Variants in NOS3 observed in about 807,000 individuals in gnomAD.
NOS3 encodes NOS type III.
A neutral mutation model predicts 144.9 loss-of-function variants in NOS3; 98 were observed. The observed-to-expected ratio is 0.68, with a 90% CI of 0.57 to 0.80. The LOEUF (loss-of-function observed/expected upper bound fraction) is 0.80. NOS3 is among the 30% of genes least tolerant of loss of function. The probability of loss-of-function intolerance (pLI) is 0.00; values close to 1 mark genes in which losing one functional copy is unlikely to be tolerated. For synonymous variants in NOS3, 714 were observed against 702.4 expected (o/e 1.02, Z -0.26); for missense variants, 1,465 against 1,656.4 (o/e 0.88, Z 2.01).
chr7:150,997,456 G>T (rs1802457018), intron 5 of NOS3, among the ~76,000 whole-genome samples: 1 of 152,068 alleles, frequency 6.6e-6, no homozygotes. Context: ...TGCTACCCCA[G>T]TTCCCCTGCT....
intron 12 of NOS3, 39 bp downstream of exon 12, chr7:151,001,656 T>C (rs1192719238): frequency 1.2e-6 from 2 of 1,601,634 alleles, no homozygotes; most frequent in Non-Finnish European, 1.7e-6. Context: ...ACACACACCC[T>C]GGGGGCCCCA....
intron 1 of NOS3, among the ~76,000 whole-genome samples, chr7:150,991,508 G>A (rs1471190954): frequency 6.6e-6 from 1 of 152,222 alleles, no homozygotes; most frequent in African/African-American, 2.4e-5. Context: ...TTCAAGCAGT[G>A]CACCAAGGAA....
rs764810572 is a variant in NOS3, at chr7:150,998,633, C to A, written c.769C>A (p.Gln257Lys). The A allele has an allele frequency of 8.7e-6, 14 of 1,609,322 alleles. 1 individual carries two copies. In the South Asian group the frequency reaches 1.5e-4, roughly 18 times the overall value. Reference sequence around the variant, plus strand: ...GGTGCGCTACGCGGGCTACCGGCAGCAGGATGGCTCTGTGCGGGGGGACCC... The same window carrying A: ...GGTGCGCTACGCGGGCTACCGGCAGAAGGATGGCTCTGTGCGGGGGGACCC... ...QLVRYAGYRQ[Q>K]DGSVRGDPAN... The change falls in exon 7 of 27, where the codon CAG (glutamine) becomes AAG (lysine). Residue 257 changes from glutamine (Q) to lysine (K), a missense_variant. Around this residue, in one of 5 missense-constraint regions of NOS3, gnomAD observed 374 missense variants for 377.0 expected, o/e 0.99. Coordinates refer to ENST00000297494, the MANE Select transcript of NOS3 (RefSeq NM_000603.5). This position sits in a 1 kb window ranked among gnomAD's most constrained non-coding sequence, Gnocchi z 5.0.
At chr7:150,994,277 C>T (rs1041049591) in intron 2 of NOS3, among the ~76,000 whole-genome samples, 13 of 152,142 alleles carry the variant, frequency 8.5e-5, no homozygotes, top group Admixed American at 2.6e-4. Context: ...TTATATAAAA[C>T]GAGATATGGC....
Position 151,002,105 on chromosome 7 carries a change from G to A in NOS3, c.1648-95G>A, listed in dbSNP as rs1489161568. On this transcript the variant is annotated intron_variant, in intron 13 of 26. Transcript: ENST00000297494. The surrounding 1 kb of genome is among the most constrained non-coding windows in gnomAD (Gnocchi z 4.1). ...ACCACAGGTGTTCAGAGATCAAGTT[G>A]GGGCCTGAATCTTGCACTGCCAGGG... The A allele has an allele frequency of 7.1e-7, 1 of 1,414,174 alleles. No homozygotes were observed. Among genetic ancestry groups the A allele is most frequent in the African/African-American group, 1.4e-5 (1 of 70,200 alleles). 87.6% of individuals were successfully genotyped at this position (1,414,174 alleles called of 1,614,324 possible).
chr7:150,992,494 C>T (rs1347471544), intron 1 of NOS3, among the ~76,000 whole-genome samples: 1 of 152,156 alleles, frequency 6.6e-6, no homozygotes, highest in Non-Finnish European at 1.5e-5. Flanking sequence ...CAGCAGGGCA[C>T]ACTAGTGTCC....
In NOS3 at chr7:150,998,035, C is replaced by T. The variant is rs566843068; in HGVS notation, c.583-322C>T. ...GGGATTTGCTGCCCACACTCCTAGG[C>T]GGCCTCTTAGACATCCGTTGGTGCC... is the stretch of plus-strand genomic sequence containing the variant. On this transcript the variant is annotated intron_variant, in intron 5 of 26. Coordinates refer to ENST00000297494, the MANE Select transcript of NOS3 (RefSeq NM_000603.5). The surrounding 1 kb of genome is among the most constrained non-coding windows in gnomAD (Gnocchi z 5.0). Among the ~76,000 whole-genome samples, 18 of 152,306 alleles carry T rather than the reference C, an allele frequency of 1.2e-4. No individual in the cohort carries two copies. The East Asian group carries it at 3.1e-3, about 26-fold the overall frequency.
chr7:150,999,027 C>A lies in NOS3; in HGVS notation c.898C>A (p.Pro300Thr). 1 of 1,612,620 alleles carries A rather than the reference C, an allele frequency of 6.2e-7. No individual in the cohort carries two copies. The highest frequency in any genetic ancestry group is 8.5e-7 in the Non-Finnish European group (1 of 1,179,890). ...PLLLQAPDDP[P>T]ELFLLPPELV... ...GCTGCTGCAGGCCCCAGATGATCCCCCAGAACTCTTCCTTCTGCCCCCCGA... is the reference window on the plus strand; with the variant it reads ...GCTGCTGCAGGCCCCAGATGATCCCACAGAACTCTTCCTTCTGCCCCCCGA... The change falls in exon 8 of 27, where the codon CCA becomes ACA. Residue 300 changes from proline (P) to threonine (T), a missense_variant. Around this residue, in one of 5 missense-constraint regions of NOS3, gnomAD observed 745 missense variants for 853.9 expected, o/e 0.87. Coordinates refer to ENST00000297494, the MANE Select transcript of NOS3 (RefSeq NM_000603.5).
intron 26 of NOS3, 38 bp from the exon 27 acceptor site, chr7:151,013,970 C>CG: frequency 6.2e-7 from 1 of 1,607,056 alleles, no homozygotes; most frequent in Non-Finnish European, 8.5e-7. Flanking sequence ...CTAAGGTCTC[C>CG]GAGTCGGGTT....
Position 151,003,454 on chromosome 7 carries a change from G to C in NOS3, c.1752+1150G>C. 5 of 1,217,510 alleles carry C rather than the reference G, an allele frequency of 4.1e-6. No homozygotes were observed. The highest frequency in any genetic ancestry group is 5.3e-6 in the Non-Finnish European group (5 of 950,980). The allele number at this position is 1,217,510 out of a possible 1,614,324, so 75.4% of individuals were successfully genotyped here. ...AGTATCTTAAGCAAGTTGGAATCTC[G>C]TGAAACCCTTTTTGCTGCCTTAGTG... On this transcript the variant is annotated intron_variant, in intron 14 of 26. Coordinates refer to ENST00000297494, the MANE Select transcript of NOS3 (RefSeq NM_000603.5). This position sits in a 1 kb window ranked among gnomAD's most constrained non-coding sequence, Gnocchi z 4.1.
In NOS3 at chr7:151,004,708, C is replaced by A. The variant is rs547313927; in HGVS notation, c.1753-1719C>A. Among the ~76,000 whole-genome samples, 4 of 152,282 alleles carry A rather than the reference C, an allele frequency of 2.6e-5. No individual in the cohort carries two copies. In the East Asian group the frequency reaches 7.7e-4, roughly 29 times the overall value. ...AGAATACATACTGTACTACAGGGTTCACTTTATATAAAGTTCAGAAACAGG... is the reference window on the plus strand; with the variant it reads ...AGAATACATACTGTACTACAGGGTTAACTTTATATAAAGTTCAGAAACAGG... On this transcript the variant is annotated intron_variant, in intron 14 of 26. Coordinates refer to ENST00000297494, the MANE Select transcript of NOS3 (RefSeq NM_000603.5).
rs1172226418 is a variant in NOS3, at chr7:150,996,935, G to C, written c.582+10G>C. ...GTGGGGGAAGCTGCAGGTGCGGCTG[G>C]CCAGCGACTGAGAGACCCGGGCGCT... On this transcript the variant is annotated intron_variant, in intron 5 of 26. Transcript: ENST00000297494. The C allele has an allele frequency of 7.7e-6, 12 of 1,553,700 alleles. No individual in the cohort carries two copies. Among genetic ancestry groups the C allele is most frequent in the African/African-American group, 2.7e-5 (2 of 73,430 alleles).
Position 150,998,437 on chromosome 7 carries a change from G to A in NOS3, c.663G>A (p.Arg221=), listed in dbSNP as rs1802484834. The change falls in exon 6 of 27, where the codon CGG becomes CGA. Residue 221 remains arginine, a synonymous_variant. Coordinates refer to ENST00000297494, the MANE Select transcript of NOS3 (RefSeq NM_000603.5). The surrounding 1 kb of genome is among the most constrained non-coding windows in gnomAD (Gnocchi z 5.0). ...ICNHIKYATN[R]GNLRSAITVF... ...ACCACATCAAGTATGCCACCAACCG[G>A]GGCAACCTTCGGTGAGTGCCCCCCA... 2.5e-6 allele frequency: 4 copies of A among 1,612,296 alleles called. No homozygotes were observed. The highest frequency in any genetic ancestry group is 2.2e-5 in the South Asian group (2 of 91,002).
chr7:151,006,371 C>A, intron 14 of NOS3, 56 bp from the exon 15 acceptor site: 1 of 1,247,574 alleles, frequency 8.0e-7, no homozygotes, highest in South Asian at 1.2e-5. Flanking sequence ...TTTTAAACTT[C>A]TATGTAGTTT....
rs776251354 is a variant in NOS3 at position 151,013,397 on chromosome 7, C to G, written c.3255+18C>G. On this transcript the variant is annotated intron_variant, in intron 25 of 26. Transcript: ENST00000297494. ...ACCCCAAGGTGTGAGACCCTGAGGGCGCAATGGTAACCTGAAGATAGGGAG... is the reference window on the plus strand; with the variant it reads ...ACCCCAAGGTGTGAGACCCTGAGGGGGCAATGGTAACCTGAAGATAGGGAG... 1.2e-6 allele frequency: 2 copies of G among 1,603,498 alleles called. No individual in the cohort carries two copies. The highest frequency in any genetic ancestry group is 3.4e-5 in the Admixed American group (2 of 59,476).
chr7:151,006,484 G>A lies in NOS3; in HGVS notation c.1810G>A (p.Glu604Lys). Residue 604 changes from glutamate (E) to lysine (K), a missense_variant, in exon 15 of 27, where the codon GAA (glutamate) becomes AAA (lysine). By Grantham distance (56) the Glu-to-Lys change is moderately conservative. Coordinates refer to ENST00000297494, the MANE Select transcript of NOS3 (RefSeq NM_000603.5). The stretch of plus-strand genomic sequence containing the variant: ...CCCCTACAACAGCTCCCCTCGGCCG[G>A]AACAGCACAAGTGAGTTGGGTGAGA... ...SGPYNSSPRP[E>K]QHKSYKIRFN... 1.9e-6 allele frequency: 3 copies of A among 1,613,602 alleles called. No individual in the cohort carries two copies. Among genetic ancestry groups the A allele is most frequent in the Non-Finnish European group, 2.5e-6 (3 of 1,179,844 alleles).
chr7:151,013,608 GCAGGCCCCACCAGGCCCGCTCCGGAGA>G, intron 25 of NOS3, 89 bp from the exon 26 acceptor site: 1 of 800,540 alleles, frequency 1.2e-6, no homozygotes, highest in African/African-American at 1.9e-5. Context: ...CCCAGGGCAC[GCAGGCCCCACCAGGCCCGCTCCGGAGA>G]CTTTCACGTC....
rs767989742 is a variant in NOS3 at position 151,013,857 on chromosome 7, T to C, written c.3389T>C (p.Ile1130Thr). ...AACGTCCTGCAGACCGTGCAGCGCA[T>C]CCTGGCGACGGAGGGCGACATGGAG... The part of the protein sequence containing the change: ...ATNVLQTVQR[I>T]LATEGDMELD... The change falls in exon 26 of 27, where the codon ATC (isoleucine) becomes ACC (threonine). Residue 1130 changes from isoleucine to threonine, a missense_variant. Physicochemically the swap from Ile to Thr is moderately conservative, Grantham distance 89. This residue lies in a region of NOS3 where 228 missense variants were observed against 227.7 expected (regional missense o/e 1.00). Coordinates refer to ENST00000297494, the MANE Select transcript of NOS3 (RefSeq NM_000603.5). 5 of 1,604,622 alleles carry C rather than the reference T, an allele frequency of 3.1e-6. No homozygotes were observed. In the East Asian group the frequency reaches 6.7e-5, roughly 22 times the overall value.
intron 3 of NOS3, among the ~76,000 whole-genome samples, 179 bp from the exon 4 acceptor site, chr7:150,996,225 C>T (rs1802414584): frequency 2.0e-4 from 2 of 9,888 alleles, no homozygotes; most frequent in Non-Finnish European, 4.3e-4. Context: ...CCCACCCCTG[C>T]ACTTCTCCTC....
Sources: gnomAD v4.1 joint callset for allele counts (sites outside exome capture counted in the v4.1 genomes callset) on GRCh38, gnomAD v4.1.1 for gene constraint, gnomAD v4.1.1 regional missense constraint, Gnocchi (gnomAD v3.1) non-coding constraint, MANE v1.5 for transcripts, NCBI Gene and HGNC (gene_info 2026-07-23, HGNC 2026-07-21) for gene names.